Variants in ABRAXAS1 observed in about 807,000 individuals in gnomAD.
ABRAXAS1 encodes BRCA1-A complex subunit Abraxas 1.
Under a neutral mutation model 38.4 loss-of-function variants are expected in ABRAXAS1, and 26 were observed. The observed-to-expected ratio is 0.68, with a 90% CI of 0.50 to 0.94. The LOEUF is 0.94. Ranked by LOEUF, ABRAXAS1 falls within the 40% of genes least tolerant of loss-of-function variation. ABRAXAS1 has a pLI of 0.00. For synonymous variants in ABRAXAS1, 144 were observed against 165.5 expected (o/e 0.87, Z 1.00); for missense variants, 438 against 481.9 (o/e 0.91, Z 0.85).
intron 1 of ABRAXAS1, among the ~76,000 whole-genome samples, chr4:83,483,747 C>G (rs1298959164): frequency 6.6e-6 from 1 of 151,992 alleles, no homozygotes; most frequent in African/African-American, 2.4e-5. Flanking sequence ...GTGCAACTAG[C>G]CAGAAAAACC....
At chr4:83,471,267 G>A (rs549436724) in intron 4 of ABRAXAS1, among the ~76,000 whole-genome samples, 5 of 126,488 alleles carry the variant, frequency 4.0e-5, no homozygotes, top group Non-Finnish European at 7.8e-5. Context: ...GCAATGGCAC[G>A]ATCTCAGCTC....
chr4:83,469,255 AC>A (rs1248156472), intron 5 of ABRAXAS1, 104 bp from the exon 6 acceptor site: 11 of 852,794 alleles, frequency 1.3e-5, no homozygotes, highest in African/African-American at 3.5e-5. Context: ...AAAAAAATAC[AC>A]CCCCCAAAAC....
At chr4:83,469,251 A>C (rs761040116) in intron 5 of ABRAXAS1, 100 bp from the exon 6 acceptor site, 8 of 1,024,214 alleles carry the variant, frequency 7.8e-6, no homozygotes, top group Non-Finnish European at 1.2e-5. Context: ...ATTTAAAAAA[A>C]TACACCCCCC....
chr4:83,463,871 A>C (rs888025613), intron 7 of ABRAXAS1: 6 of 226,606 alleles, frequency 2.6e-5, no homozygotes. Context: ...TTCGCTGAAA[A>C]TATACAGAAA....
At chr4:83,464,820 A>C (rs1196915327) in intron 7 of ABRAXAS1, among the ~76,000 whole-genome samples, 1 of 152,208 alleles carries the variant, frequency 6.6e-6, no homozygotes. Context: ...AGAAACAAAA[A>C]GGTCTGGAAG....
rs1060503252 is a variant in ABRAXAS1 at position 83,462,879 on chromosome 4, G to C, written c.820C>G (p.Pro274Ala). ...TGACAAAGAAAAATGTTCTCCTGAG[G>C]GTCTTTTTGGATGTTCTTCTCTCCT... is the stretch of plus-strand genomic sequence containing the variant. Reference protein sequence around the residue: ...AAREKNIQKDPQENIFLCQAL... With the variant: ...AAREKNIQKDAQENIFLCQAL... Residue 274 changes from proline (P) to alanine (A), a missense_variant, in exon 9 of 9, where the codon CCT becomes GCT. Pro to Ala is a conservative substitution (Grantham distance 27). Around this residue, in one of 3 missense-constraint regions of ABRAXAS1, gnomAD observed 184 missense variants for 181.9 expected, o/e 1.01. Transcript: ENST00000321945. The C allele has an allele frequency of 8.8e-6, 14 of 1,584,172 alleles. No homozygotes were observed. In the Admixed American group the frequency reaches 2.4e-4, roughly 27 times the overall value.
chr4:83,484,011 G>C, intron 1 of ABRAXAS1: 2 of 982,800 alleles, frequency 2.0e-6, no homozygotes, highest in Non-Finnish European at 2.4e-6. Flanking sequence ...CCTTTATTAG[G>C]ATTGTGCCAA....
rs543303705 is a variant in ABRAXAS1, at chr4:83,484,298, A to C, written c.87+688T>G. 4.0e-6 allele frequency: 3 copies of C among 755,140 alleles called. No individual in the cohort carries two copies. In the South Asian group the frequency reaches 1.8e-4, roughly 46 times the overall value. The allele number at this position is 755,140 out of a possible 1,614,324, so 46.8% of individuals were successfully genotyped here. A position where few individuals can be genotyped will look rare whatever the true frequency, so the allele number is the denominator to read the frequency against. On this transcript the variant is annotated intron_variant, in intron 1 of 8. Transcript: ENST00000321945. ...GCAGGGAAGTGTATTTCAGATGCTT[A>C]GACTTTCTTTCTGCAAGTTACTGAA...
At chr4:83,463,737 TTTTA>T (rs1176139529) in intron 7 of ABRAXAS1, 129 bp from the exon 8 acceptor site, 15 of 446,306 alleles carry the variant, frequency 3.4e-5, no homozygotes, top group Non-Finnish European at 5.0e-5. Context: ...TTTATATAAA[TTTTA>T]TTTATTTTCT....
chr4:83,462,738 C>G lies in ABRAXAS1; in HGVS notation c.961G>C (p.Asp321His). Residue 321 changes from aspartate (D) to histidine (H), a missense_variant, in exon 9 of 9, where the codon GAC becomes CAC. By Grantham distance (81) the Asp-to-His change is moderately conservative (BLOSUM62 -1). Coordinates refer to ENST00000321945, the MANE Select transcript of ABRAXAS1 (RefSeq NM_139076.3). ...CNYNHHLDVV[D>H]NLTLMVEHTD... ...TGTTCTACCATTAAGGTCAGATTGT[C>G]TACTACATCGAGATGGTGGTTGTAG... 6.2e-7 allele frequency: 1 copy of G among 1,613,856 alleles called. No individual in the cohort carries two copies. The highest frequency in any genetic ancestry group is 8.5e-7 in the Non-Finnish European group (1 of 1,179,988).
chr4:83,468,146 A>G (rs927885712), intron 6 of ABRAXAS1, among the ~76,000 whole-genome samples: 1 of 152,042 alleles, frequency 6.6e-6, no homozygotes, highest in African/African-American at 2.4e-5. Context: ...CTACTAAAAA[A>G]AATACAAAAT....
intron 6 of ABRAXAS1, 67 bp downstream of exon 6, chr4:83,468,961 GTTGT>G (rs2110038548): frequency 6.5e-7 from 1 of 1,549,230 alleles, no homozygotes; most frequent in Non-Finnish European, 8.8e-7. Flanking sequence ...TTATTCTGCT[GTTGT>G]TTGAGAAATA....
At chr4:83,470,844 A>T (rs1187908784) in intron 4 of ABRAXAS1, among the ~76,000 whole-genome samples, 1 of 152,208 alleles carries the variant, frequency 6.6e-6, no homozygotes, top group Non-Finnish European at 1.5e-5. Flanking sequence ...TAAAATTTTT[A>T]TGGGAATGAT....
chr4:83,478,816 T>C (rs1429236679), intron 2 of ABRAXAS1: 3 of 153,530 alleles, frequency 2.0e-5, no homozygotes, highest in African/African-American at 7.2e-5. Flanking sequence ...TCGGTTCTCA[T>C]TAAAGTGTTT....
chr4:83,477,242 CTTAA>C (rs1178213291), intron 2 of ABRAXAS1, among the ~76,000 whole-genome samples: 1 of 152,056 alleles, frequency 6.6e-6, no homozygotes, highest in Non-Finnish European at 1.5e-5. Flanking sequence ...TACACATTTG[CTTAA>C]TTAAATGCCT....
intron 6 of ABRAXAS1, 146 bp from the exon 7 acceptor site, chr4:83,467,684 G>A (rs558198014): frequency 1.8e-6 from 1 of 552,650 alleles, no homozygotes; most frequent in Admixed American, 3.7e-5. Flanking sequence ...TGTGTATAGA[G>A]AAAAACCAAC....
At position 83,478,256 on chromosome 4, in the gene ABRAXAS1, G is replaced by A. The variant is rs926765039; in HGVS notation, c.179-1577C>T. 2.2e-5 allele frequency: 15 copies of A among 673,814 alleles called. No individual in the cohort carries two copies. In the African/African-American group the frequency reaches 2.3e-4, roughly 10 times the overall value. The allele number at this position is 673,814 out of a possible 1,614,324, so 41.7% of individuals were successfully genotyped here. ...TCACGTGATGAACCAGAGGGCAATC[G>A]TGGGACATGTGGATCTCTATAAGGG... On this transcript the variant is annotated intron_variant, in intron 2 of 8. Coordinates refer to ENST00000321945, the MANE Select transcript of ABRAXAS1 (RefSeq NM_139076.3).
intron 8 of ABRAXAS1, 83 bp downstream of exon 8, chr4:83,463,411 C>T (rs948411627): frequency 4.8e-5 from 47 of 981,906 alleles, no homozygotes; most frequent in African/African-American, 1.5e-4. Flanking sequence ...CCAACCTAGG[C>T]GACAGAGCGA....
At chr4:83,482,033 C>G in intron 2 of ABRAXAS1, 121 bp downstream of exon 2, 1 of 636,156 alleles carries the variant, frequency 1.6e-6, no homozygotes, top group South Asian at 2.2e-5. Flanking sequence ...GTGTGAGCCA[C>G]CTTGCCCAGC....
Sources: allele counts gnomAD v4.1 joint callset (sites outside exome capture counted in the v4.1 genomes callset), GRCh38; gene constraint gnomAD v4.1.1; regional missense constraint gnomAD v4.1.1; transcripts MANE v1.5; gene names NCBI Gene and HGNC (gene_info 2026-07-23, HGNC 2026-07-21).